The following PCDHA8 variants were observed in gnomAD, a reference collection of about 807,000 sequenced individuals.
PCDHA8 encodes the protein protocadherin alpha 8, also known as protocadherin alpha-8.
Under a neutral mutation model 61.8 loss-of-function variants are expected in PCDHA8, and 53 were observed. That is an observed-to-expected ratio of 0.86 (90% CI 0.69 to 1.08). The LOEUF is 1.08. Ranked by LOEUF, PCDHA8 falls within the 50% of genes least tolerant of loss-of-function variation. The pLI is 0.00. For missense variants in PCDHA8, 1,293 were observed against 1,245.0 expected (o/e 1.04, Z -0.58); for synonymous variants, 618 against 556.6 (o/e 1.11, Z -1.55).
At chr5:140,882,344 A>T in intron 1 of PCDHA8, 2 of 1,614,084 alleles carry the variant, frequency 1.2e-6, no homozygotes, top group Admixed American at 3.3e-5. Flanking sequence ...AGCCTGGGAG[A>T]CGGGTAGTGG....
chr5:140,850,275 G>T, intron 1 of PCDHA8: 1 of 1,595,466 alleles, frequency 6.3e-7, no homozygotes, highest in East Asian at 2.2e-5. Flanking sequence ...GGTGGGGAAG[G>T]TGCGCGCAGT....
At position 140,927,496 on chromosome 5, in the gene PCDHA8, G is replaced by A. The variant is rs1206944698; in HGVS notation, c.2395-51453G>A. ...CGAACAGCGCGCCACCCACCTGCTG[G>A]TGCTTACAGCTCGGGACGGCGGGCT... On this transcript the variant is annotated intron_variant, in intron 1 of 3. Coordinates refer to ENST00000531613, the MANE Select transcript of PCDHA8 (RefSeq NM_018911.3). 10 of 1,614,026 alleles carry A rather than the reference G, an allele frequency of 6.2e-6. No individual in the cohort carries two copies. In the African/African-American group the frequency reaches 8.0e-5, roughly 13 times the overall value.
intron 1 of PCDHA8, among the ~76,000 whole-genome samples, chr5:140,914,464 A>T (rs923814955): frequency 5.9e-5 from 9 of 152,130 alleles, no homozygotes; most frequent in Non-Finnish European, 1.3e-4. Flanking sequence ...GTCTATGTGT[A>T]TCTTCATAGG....
At chr5:140,872,910 T>C (rs2053978401) in intron 1 of PCDHA8, among the ~76,000 whole-genome samples, 2 of 152,232 alleles carry the variant, frequency 1.3e-5, no homozygotes, top group African/African-American at 4.8e-5. Context: ...CTCTATCTTG[T>C]AATGCCTTAT....
intron 1 of PCDHA8, among the ~76,000 whole-genome samples, chr5:140,962,347 C>A (rs191780691): frequency 1.7e-4 from 26 of 152,244 alleles, no homozygotes; most frequent in African/African-American, 5.3e-4. Flanking sequence ...AAGTAAAACT[C>A]CCCCCAATAC....
intron 1 of PCDHA8, chr5:140,862,692 G>A (rs1354476181): frequency 3.2e-5 from 18 of 555,384 alleles, no homozygotes; most frequent in Admixed American, 5.8e-5. Flanking sequence ...TGTCCTACTC[G>A]TTGATGGAAC....
At chr5:140,856,856 G>A in intron 1 of PCDHA8, 1 of 1,594,396 alleles carries the variant, frequency 6.3e-7, no homozygotes, top group Non-Finnish European at 8.6e-7. Context: ...TGATTCGGAT[G>A]AAGGAATAAA....
chr5:140,941,597 G>T (rs2093124922), intron 1 of PCDHA8, among the ~76,000 whole-genome samples: 1 of 152,032 alleles, frequency 6.6e-6, no homozygotes, highest in Middle Eastern at 3.4e-3. Context: ...TTACAGCCAT[G>T]AGCCATGGTG....
intron 1 of PCDHA8, among the ~76,000 whole-genome samples, chr5:140,903,229 T>G (rs2153479721): frequency 6.6e-6 from 1 of 152,340 alleles, no homozygotes; most frequent in Non-Finnish European, 1.5e-5. Context: ...CATCTATTAC[T>G]TTTTGATTTT....
rs2150202220 is a variant in PCDHA8, at chr5:140,844,684, A to G, written c.2394+969A>G. 1.3e-5 allele frequency among the ~76,000 whole-genome samples: 2 copies of G among 149,834 alleles called. 1 individual carries two copies. Among genetic ancestry groups the G allele is most frequent in the East Asian group, 3.9e-4 (2 of 5,172 alleles). On this transcript the variant is annotated intron_variant, in intron 1 of 3. Coordinates refer to ENST00000531613, the MANE Select transcript of PCDHA8 (RefSeq NM_018911.3). ...AACATATAATTTATAAATCCTTATT[A>G]TACAGAATATTTGGGATTATCATGG...
At chr5:140,935,981 C>T (rs1206046231) in intron 1 of PCDHA8, among the ~76,000 whole-genome samples, 2 of 151,096 alleles carry the variant, frequency 1.3e-5, no homozygotes, top group Non-Finnish European at 2.9e-5. Context: ...CAATCTCTGC[C>T]TCCCGGGTTC....
intron 1 of PCDHA8, chr5:140,867,827 C>A (rs1219513690): frequency 2.0e-5 from 3 of 152,066 alleles, no homozygotes; most frequent in Non-Finnish European, 4.4e-5. Context: ...TCCACAAGCA[C>A]TAAGGTAATT....
chr5:140,846,413 C>T (rs1209442612), intron 1 of PCDHA8, among the ~76,000 whole-genome samples: 16 of 119,220 alleles, frequency 1.3e-4, no homozygotes, highest in Non-Finnish European at 2.3e-4. Flanking sequence ...CTCGCTCTAT[C>T]TCCCAGGCTG....
intron 1 of PCDHA8, among the ~76,000 whole-genome samples, chr5:140,922,408 T>C (rs2080827805): frequency 6.6e-6 from 1 of 152,196 alleles, no homozygotes; most frequent in Non-Finnish European, 1.5e-5. Context: ...ATTAAAAAGA[T>C]CTAGGTACAG....
intron 1 of PCDHA8, among the ~76,000 whole-genome samples, chr5:140,846,781 T>C (rs1259185790): frequency 3.3e-5 from 5 of 149,452 alleles, no homozygotes; most frequent in African/African-American, 4.9e-5. Context: ...TCAGGAATTA[T>C]TACTGAGCCC....
intron 1 of PCDHA8, among the ~76,000 whole-genome samples, chr5:140,925,108 G>A (rs77719760): frequency 1.1e-3 from 139 of 124,762 alleles, no homozygotes; most frequent in African/African-American, 2.5e-3. Flanking sequence ...GAAGGAAGGA[G>A]GGAAGGAAGG....
At chr5:140,896,608 C>A (rs1356168334) in intron 1 of PCDHA8, among the ~76,000 whole-genome samples, 2 of 151,832 alleles carry the variant, frequency 1.3e-5, no homozygotes, top group Non-Finnish European at 2.9e-5. Context: ...AACTCCTGGT[C>A]TTAAGTGATC....
intron 3 of PCDHA8, among the ~76,000 whole-genome samples, chr5:141,000,389 CTCTCTCTATATA>C (rs1270729414): frequency 5.3e-4 from 33 of 62,572 alleles, no homozygotes; most frequent in African/African-American, 2.0e-3. Context: ...CTCTCTCTCT[CTCTCTCTATATA>C]TATATATATA....
intron 1 of PCDHA8, among the ~76,000 whole-genome samples, chr5:140,918,680 C>T (rs1291001659): frequency 6.6e-6 from 1 of 152,084 alleles, no homozygotes; most frequent in Non-Finnish European, 1.5e-5. Flanking sequence ...GAGGTGAGAC[C>T]TTTCAAACAT....
Sources: allele counts gnomAD v4.1 joint callset (sites outside exome capture counted in the v4.1 genomes callset), GRCh38; gene constraint gnomAD v4.1.1; transcripts MANE v1.5; gene names NCBI Gene and HGNC (gene_info 2026-07-23, HGNC 2026-07-21).